Variants in KIF4A observed in about 807,000 individuals in gnomAD.
KIF4A encodes kinesin family member 4A, also known as chromosome-associated kinesin KIF4A.
KIF4A carries 7 observed loss-of-function variants against 105.9 expected under a neutral mutation model. The observed-to-expected ratio is 0.07, with a 90% CI of 0.04 to 0.12. KIF4A has a LOEUF of 0.12. Among genes scored for constraint, KIF4A ranks in the 10% least tolerant of loss-of-function variants. The pLI is 1.00. For missense variants in KIF4A, 558 were observed against 929.2 expected (o/e 0.60, Z 5.19); for synonymous variants, 281 against 331.3 (o/e 0.85, Z 1.65).
At chrX:70,324,699 A>G (rs1341269065) in intron 7 of KIF4A, among the ~76,000 whole-genome samples, 1 of 103,515 alleles carries the variant, frequency 9.7e-6, no homozygotes, top group Non-Finnish European at 2.1e-5. Context: ...AAATCATTTG[A>G]AAAAAAAAAG....
intron 13 of KIF4A, 152 bp from the exon 14 acceptor site, chrX:70,352,448 C>A: frequency 3.0e-6 from 1 of 333,864 alleles, no homozygotes; most frequent in East Asian, 4.4e-5. Flanking sequence ...GAAATGGAAA[C>A]GTGACTATTG....
chrX:70,368,884 C>T (rs1001124329), intron 15 of KIF4A, among the ~76,000 whole-genome samples: 27 of 112,101 alleles, frequency 2.4e-4, no homozygotes, highest in Admixed American at 8.5e-4. Context: ...CCTTGAGCTG[C>T]GGTGGGCTCC....
intron 20 of KIF4A, among the ~76,000 whole-genome samples, chrX:70,393,840 TCTTTCTTTCTTTCTTTCTTTCTTTCTTTC>T (rs1422954168): frequency 3.0e-4 from 2 of 6,629 alleles, no homozygotes; most frequent in African/African-American, 3.9e-4. Flanking sequence ...TTTCTTTCTT[TCTTTCTTTCTTTCTTTCTTTCTTTCTTTC>T]TTTTTTTTTT....
In KIF4A at chrX:70,375,331, C is replaced by G; in HGVS notation, c.1906C>G (p.Leu636Val). Reference sequence around the variant, plus strand: ...ATCCACAGAGCGTACTGTCTCCAAACTGAACCAGGAGATACGGGTAATAAA... The same window carrying G: ...ATCCACAGAGCGTACTGTCTCCAAAGTGAACCAGGAGATACGGGTAATAAA... ...KESTERTVSK[L>V]NQEIRMMKNQ... is the part of the protein sequence containing the mutation. The change falls in exon 17 of 31, where the codon CTG (leucine) becomes GTG (valine). Residue 636 changes from leucine to valine, a missense_variant. Around this residue, in one of 2 missense-constraint regions of KIF4A, gnomAD observed 469 missense variants for 680.4 expected, o/e 0.69. Transcript: ENST00000374403. The G allele has an allele frequency of 2.5e-6, 3 of 1,210,887 alleles. No homozygotes were observed. The highest frequency in any genetic ancestry group is 3.4e-6 in the Non-Finnish European group (3 of 894,819).
rs186308485 is a variant in KIF4A, at chrX:70,385,768, T to C, written c.2035-850T>C. On this transcript the variant is annotated intron_variant, in intron 18 of 30. Coordinates refer to ENST00000374403, the MANE Select transcript of KIF4A (RefSeq NM_012310.5). Reference sequence around the variant, plus strand: ...CCAAGAAATCAAAGCAGTTAAATATTGTGTGCTCAGCTGAAGCAGGTGATA... The same window carrying C: ...CCAAGAAATCAAAGCAGTTAAATATCGTGTGCTCAGCTGAAGCAGGTGATA... 5.3e-5 allele frequency among the ~76,000 whole-genome samples: 6 copies of C among 112,557 alleles called. No homozygotes were observed. The East Asian group carries it at 1.7e-3, about 31-fold the overall frequency.
intron 15 of KIF4A, 42 bp from the exon 16 acceptor site, chrX:70,374,109 C>A (rs1485763022): frequency 5.0e-6 from 4 of 804,857 alleles, no homozygotes; most frequent in Non-Finnish European, 7.3e-6. Flanking sequence ...TCTTCCTGTG[C>A]CATATAATGT....
intron 16 of KIF4A, among the ~76,000 whole-genome samples, chrX:70,374,811 G>A (rs767383801): frequency 1.8e-5 from 2 of 111,981 alleles, no homozygotes; most frequent in Non-Finnish European, 3.8e-5. Context: ...CAGTGACTCC[G>A]TTTTATCTCT....
At chrX:70,331,489 A>G (rs187470732) in intron 9 of KIF4A, among the ~76,000 whole-genome samples, 1 of 111,684 alleles carries the variant, frequency 9.0e-6, no homozygotes, top group East Asian at 2.8e-4. Flanking sequence ...CAATACCATT[A>G]TGTCTTAAAA....
At chrX:70,363,595 T>C (rs767671536) in intron 15 of KIF4A, among the ~76,000 whole-genome samples, 1 of 111,883 alleles carries the variant, frequency 8.9e-6, no homozygotes, top group Non-Finnish European at 1.9e-5. Context: ...TATGGCTACA[T>C]AGTCCATGCT....
At chrX:70,308,938 A>G (rs998574477) in intron 7 of KIF4A, among the ~76,000 whole-genome samples, 7 of 112,171 alleles carry the variant, frequency 6.2e-5, no homozygotes, top group African/African-American at 2.3e-4. Flanking sequence ...CCGTGTATAT[A>G]AGTCTACTTC....
At chrX:70,343,064 C>G (rs996565736) in intron 11 of KIF4A, among the ~76,000 whole-genome samples, 1 of 111,542 alleles carries the variant, frequency 9.0e-6, no homozygotes, top group Non-Finnish European at 1.9e-5. Context: ...TATCAATCAC[C>G]CTTCCCAAAA....
chrX:70,415,632 G>A (rs1231216764), intron 28 of KIF4A, among the ~76,000 whole-genome samples: 3 of 108,685 alleles, frequency 2.8e-5, no homozygotes, highest in Non-Finnish European at 5.7e-5. Flanking sequence ...AACTAATGTG[G>A]TAAGAGACAT....
chrX:70,411,844 A>C (rs973344622), intron 28 of KIF4A, among the ~76,000 whole-genome samples: 1 of 109,554 alleles, frequency 9.1e-6, no homozygotes, highest in African/African-American at 3.3e-5. Context: ...GCTTGACGCC[A>C]GGAGTTCAAG....
At chrX:70,327,015 T>C (rs1317111121) in intron 7 of KIF4A, among the ~76,000 whole-genome samples, 1 of 112,047 alleles carries the variant, frequency 8.9e-6, no homozygotes, top group Non-Finnish European at 1.9e-5. Context: ...TAGATGGAAG[T>C]TTTGCTCAGC....
chrX:70,306,951 A>G (rs1458063967), intron 7 of KIF4A, among the ~76,000 whole-genome samples: 2 of 109,015 alleles, frequency 1.8e-5, no homozygotes, highest in African/African-American at 3.4e-5. Flanking sequence ...CAGCCTCCCA[A>G]GTAGCTGGGA....
At chrX:70,409,281 G>A (rs754957573) in intron 28 of KIF4A, among the ~76,000 whole-genome samples, 1 of 112,257 alleles carries the variant, frequency 8.9e-6, no homozygotes, top group South Asian at 3.7e-4. Flanking sequence ...GAGCAACTGG[G>A]AGACATTTCT....
At chrX:70,324,808 G>T (rs7892476) in intron 7 of KIF4A, among the ~76,000 whole-genome samples, 197 of 111,456 alleles carry the variant, frequency 1.8e-3, no homozygotes, top group Middle Eastern at 0.014. Flanking sequence ...TTGAGACAGG[G>T]TCTCACTCTG....
intron 15 of KIF4A, among the ~76,000 whole-genome samples, chrX:70,358,945 G>A (rs1214514379): frequency 8.9e-6 from 1 of 112,187 alleles, no homozygotes; most frequent in African/African-American, 3.2e-5. Flanking sequence ...TCAGCAGTAT[G>A]GTACTGCATC....
At chrX:70,350,214 C>A (rs1367184624) in intron 13 of KIF4A, among the ~76,000 whole-genome samples, 1 of 111,258 alleles carries the variant, frequency 9.0e-6, no homozygotes, top group Non-Finnish European at 1.9e-5. Context: ...ATTGAGTGAG[C>A]GAGACTCCGT....
Sources: gnomAD v4.1 joint callset for allele counts (sites outside exome capture counted in the v4.1 genomes callset) on GRCh38, gnomAD v4.1.1 for gene constraint, gnomAD v4.1.1 regional missense constraint, MANE v1.5 for transcripts, NCBI Gene and HGNC (gene_info 2026-07-23, HGNC 2026-07-21) for gene names.